Variants in SNRNP40 observed in about 807,000 individuals in gnomAD.
SNRNP40 encodes U5 small nuclear ribonucleoprotein 40 kDa protein.
SNRNP40 carries 21 observed loss-of-function variants against 45.8 expected under a neutral mutation model. The ratio of observed to expected loss-of-function variants is 0.46; its 90% CI spans 0.32 to 0.66. SNRNP40 has a LOEUF of 0.66. Among genes scored for constraint, SNRNP40 ranks in the 30% least tolerant of loss-of-function variants. SNRNP40 has a pLI of 0.03. For missense variants in SNRNP40, 344 were observed against 439.1 expected (o/e 0.78, Z 1.94); for synonymous variants, 142 against 163.8 (o/e 0.87, Z 1.01).
chr1:31,278,098 A>AC (rs1645989024), intron 5 of SNRNP40, among the ~76,000 whole-genome samples: 1 of 152,124 alleles, frequency 6.6e-6, no homozygotes, highest in Non-Finnish European at 1.5e-5. Flanking sequence ...CATCCCTAAC[A>AC]TTTGCTGATT....
At chr1:31,295,955 G>A (rs1041970317) in intron 1 of SNRNP40, among the ~76,000 whole-genome samples, 3 of 152,228 alleles carry the variant, frequency 2.0e-5, no homozygotes, top group Non-Finnish European at 4.4e-5. Context: ...GACATTAGAA[G>A]TGTGATCACT....
At chr1:31,284,505 G>C (rs1026027513) in intron 4 of SNRNP40, among the ~76,000 whole-genome samples, 3 of 152,154 alleles carry the variant, frequency 2.0e-5, no homozygotes, top group African/African-American at 7.2e-5. Flanking sequence ...TTAAAGCGTG[G>C]ATAACACAGA....
At chr1:31,269,495 G>C in intron 6 of SNRNP40, 1 of 798,140 alleles carries the variant, frequency 1.3e-6, no homozygotes, top group South Asian at 3.6e-5. Flanking sequence ...TTGGTAATTT[G>C]CAACAGAATG....
chr1:31,271,609 TA>T, intron 5 of SNRNP40, 110 bp from the exon 6 acceptor site: 3 of 1,033,980 alleles, frequency 2.9e-6, no homozygotes, highest in South Asian at 3.3e-5. Flanking sequence ...TACTCTACTA[TA>T]AAACACAGGA....
In SNRNP40 at chr1:31,291,968, T is replaced by C. The variant is rs779874154; in HGVS notation, c.310A>G (p.Thr104Ala). 8 of 1,613,410 alleles carry C rather than the reference T, an allele frequency of 5.0e-6. 1 individual carries two copies. The South Asian group carries it at 8.8e-5, about 18-fold the overall frequency. The stretch of plus-strand genomic sequence containing the variant: ...ACTGCTCCACTGTGTCCCTTCAGTG[T>C]GGCATAGTTATCACAGTCACCATAG... ...NVYGDCDNYATLKGHSGAVME... is the reference protein window; with the variant it reads ...NVYGDCDNYAALKGHSGAVME... The change falls in exon 3 of 10, where the codon ACA (threonine) becomes GCA (alanine). Residue 104 changes from threonine to alanine, a missense_variant. Around this residue, in one of 2 missense-constraint regions of SNRNP40, gnomAD observed 254 missense variants for 380.2 expected, o/e 0.67. Coordinates refer to ENST00000263694, the MANE Select transcript of SNRNP40 (RefSeq NM_004814.3).
chr1:31,269,556 C>A, intron 6 of SNRNP40: 1 of 461,040 alleles, frequency 2.2e-6, no homozygotes, highest in Non-Finnish European at 3.6e-6. Context: ...GATTTCTCTG[C>A]CAGCTTAGTC....
intron 5 of SNRNP40, among the ~76,000 whole-genome samples, chr1:31,276,833 G>C (rs1050212093): frequency 6.6e-6 from 1 of 152,208 alleles, no homozygotes; most frequent in Admixed American, 6.5e-5. Flanking sequence ...AGGAGTTCTA[G>C]AACAGTCTGG....
At chr1:31,272,039 T>C (rs78998587) in intron 5 of SNRNP40, among the ~76,000 whole-genome samples, 2 of 152,000 alleles carry the variant, frequency 1.3e-5, no homozygotes, top group African/African-American at 4.8e-5. Flanking sequence ...CACAAAAAAA[T>C]AGAATTCAGA....
intron 1 of SNRNP40, 35 bp from the exon 2 acceptor site, chr1:31,293,383 T>C (rs1646120470): frequency 6.4e-7 from 1 of 1,567,914 alleles, no homozygotes; most frequent in African/African-American, 1.4e-5. Flanking sequence ...AACTACTGCA[T>C]ACAGACAAAG....
chr1:31,272,561 G>T (rs907283575), intron 5 of SNRNP40, among the ~76,000 whole-genome samples: 1 of 152,134 alleles, frequency 6.6e-6, no homozygotes, highest in African/African-American at 2.4e-5. Flanking sequence ...AATTCTTTCT[G>T]GGCCTGTTTC....
intron 2 of SNRNP40, 163 bp downstream of exon 2, chr1:31,293,056 C>T (rs1192252006): frequency 2.9e-6 from 2 of 691,782 alleles, no homozygotes; most frequent in African/African-American, 3.6e-5. Context: ...AAGTTCTACA[C>T]CCAAGATCAT....
chr1:31,283,284 C>T (rs1427816173), intron 4 of SNRNP40, among the ~76,000 whole-genome samples: 1 of 152,144 alleles, frequency 6.6e-6, no homozygotes, highest in Admixed American at 6.5e-5. Context: ...ACAAAGAATA[C>T]AAACTTTACA....
chr1:31,269,501 GAA>G, intron 6 of SNRNP40: 1 of 755,762 alleles, frequency 1.3e-6, no homozygotes, highest in South Asian at 3.8e-5. Flanking sequence ...ATTTGCAACA[GAA>G]TGCAGTTGGG....
intron 4 of SNRNP40, among the ~76,000 whole-genome samples, chr1:31,287,859 G>A (rs1026846431): frequency 6.6e-6 from 1 of 152,158 alleles, no homozygotes; most frequent in Non-Finnish European, 1.5e-5. Context: ...CTAGCTGGGC[G>A]TGGTATGGGT....
intron 8 of SNRNP40, among the ~76,000 whole-genome samples, chr1:31,264,177 A>G (rs1645880714): frequency 6.6e-6 from 1 of 152,180 alleles, no homozygotes; most frequent in Non-Finnish European, 1.5e-5. Flanking sequence ...TCCAACTTAC[A>G]CTTTTGGTCA....
At chr1:31,293,883 C>A (rs570483071) in intron 1 of SNRNP40, among the ~76,000 whole-genome samples, 4 of 152,138 alleles carry the variant, frequency 2.6e-5, no homozygotes, top group African/African-American at 9.6e-5. Flanking sequence ...GCTCATTTAA[C>A]AAATGATGGA....
intron 4 of SNRNP40, among the ~76,000 whole-genome samples, chr1:31,282,919 G>C (rs1646030399): frequency 6.6e-6 from 1 of 152,066 alleles, no homozygotes; most frequent in East Asian, 1.9e-4. Context: ...CAAGTGATCT[G>C]TCTGCCTCAC....
intron 4 of SNRNP40, among the ~76,000 whole-genome samples, chr1:31,285,285 T>C (rs4949375): frequency 1 from 150,061 of 150,064 alleles, 75,029 homozygotes; most frequent in Non-Finnish European, 1. Context: ...TGTCTGTTGC[T>C]CATTCTGGAG....
chr1:31,266,093 A>G (rs974122956), intron 8 of SNRNP40, among the ~76,000 whole-genome samples: 3 of 152,150 alleles, frequency 2.0e-5, no homozygotes, highest in Admixed American at 2.0e-4. Flanking sequence ...AAAATACCTG[A>G]ATACTTGTCC....
Sources: gnomAD v4.1 joint callset for allele counts (sites outside exome capture counted in the v4.1 genomes callset) on GRCh38, gnomAD v4.1.1 for gene constraint, gnomAD v4.1.1 regional missense constraint, MANE v1.5 for transcripts, NCBI Gene and HGNC (gene_info 2026-07-23, HGNC 2026-07-21) for gene names.